TRAF3: variants seen among roughly 807,000 people sequenced by gnomAD.
TRAF3 encodes TNF receptor associated factor 3, also known as TNF receptor-associated factor 3.
A neutral mutation model predicts 62.3 loss-of-function variants in TRAF3; 13 were observed. The ratio of observed to expected loss-of-function variants is 0.21; its 90% CI spans 0.14 to 0.33. The LOEUF (loss-of-function observed/expected upper bound fraction) is 0.33. Ranked by LOEUF, TRAF3 falls within the 10% of genes least tolerant of loss-of-function variation. The pLI, the probability that TRAF3 is intolerant of heterozygous loss-of-function variation, is 1.00. For missense variants in TRAF3, 440 were observed against 741.8 expected (o/e 0.59, Z 4.73); for synonymous variants, 269 against 283.4 (o/e 0.95, Z 0.51).
Position 102,866,892 on chromosome 14 carries a change from C to CACACACACACAG in TRAF3, c.-17-3292_-17-3291insCACACACACAGA, listed in dbSNP as rs1491199272. ...ACACACACACACACACACACACACACAAAACAATGACAAGAAGGCACAATT... is the reference window on the plus strand; with the variant it reads ...ACACACACACACACACACACACACACACACACACACAGAAAACAATGACAAGAAGGCACAATT... On this transcript the variant is annotated intron_variant, in intron 2 of 11. Coordinates refer to ENST00000392745, the MANE Select transcript of TRAF3 (RefSeq NM_145725.3). 2.0e-3 allele frequency among the ~76,000 whole-genome samples: 296 copies of CACACACACACAG among 146,588 alleles called. 7 individuals are homozygous for CACACACACACAG. The highest frequency in any genetic ancestry group is 7.1e-3 in the African/African-American group (271 of 38,092).
intron 2 of TRAF3, among the ~76,000 whole-genome samples, chr14:102,832,138 A>G (rs1900727977): frequency 6.6e-6 from 1 of 151,798 alleles, no homozygotes; most frequent in Admixed American, 6.6e-5. Flanking sequence ...ATCATGTACA[A>G]CATGATATTT....
chr14:102,790,454 A>G (rs1897732594), intron 1 of TRAF3, among the ~76,000 whole-genome samples: 1 of 152,362 alleles, frequency 6.6e-6, no homozygotes, highest in Admixed American at 6.5e-5. Context: ...AGGGTAATTT[A>G]TAAAGAAAAA....
In TRAF3 at chr14:102,906,226, T is replaced by C. The variant is rs568052266; in HGVS notation, c.*442T>C. The C allele has an allele frequency of 6.1e-6, 1 of 163,098 alleles. No individual in the cohort carries two copies. The highest frequency in any genetic ancestry group is 1.7e-4 in the South Asian group (1 of 5,894). 10.1% of individuals were successfully genotyped at this position (163,098 alleles called of 1,614,324 possible). ...GAAATAGTAATGCAATTCTGATATCTTCTTTCTAAAATTCAAGAGTGCAAT... is the reference window on the plus strand; with the variant it reads ...GAAATAGTAATGCAATTCTGATATCCTCTTTCTAAAATTCAAGAGTGCAAT... On this transcript the variant is annotated 3_prime_UTR_variant, in exon 12 of 12. Transcript: ENST00000392745.
At chr14:102,820,379 C>T (rs886448556) in intron 1 of TRAF3, among the ~76,000 whole-genome samples, 1 of 151,688 alleles carries the variant, frequency 6.6e-6, no homozygotes, top group Non-Finnish European at 1.5e-5. Flanking sequence ...TGCCGGGGCC[C>T]CCTCTCTGCA....
At chr14:102,833,408 G>A (rs1262164602) in intron 2 of TRAF3, among the ~76,000 whole-genome samples, 1 of 152,146 alleles carries the variant, frequency 6.6e-6, no homozygotes, top group Non-Finnish European at 1.5e-5. Flanking sequence ...TTAAGGAGTA[G>A]GAAACAACTA....
chr14:102,842,272 ATATTT>A (rs1042452110), intron 2 of TRAF3, among the ~76,000 whole-genome samples: 6 of 148,036 alleles, frequency 4.1e-5, no homozygotes, highest in African/African-American at 1.5e-4. Flanking sequence ...AAAATAATAT[ATATTT>A]TATTTATATA....
rs57149106 is a variant in TRAF3 at position 102,820,614 on chromosome 14, ATTTTTTTTTTTTTTTTT to A, written c.-156-9705_-156-9689del. ...TATATATATATATATATATATATATATTTTTTTTTTTTTTTTTTTTTTTTTTTTTTTGACAGGTTCTT... is the reference window on the plus strand; with the variant it reads ...TATATATATATATATATATATATATATTTTTTTTTTTTTTGACAGGTTCTT... On this transcript the variant is annotated intron_variant, in intron 1 of 11. Coordinates refer to ENST00000392745, the MANE Select transcript of TRAF3 (RefSeq NM_145725.3). 2.2e-4 allele frequency among the ~76,000 whole-genome samples: 4 copies of A among 17,926 alleles called. No homozygotes were observed. In the African/African-American group the frequency reaches 2.4e-3, roughly 11 times the overall value. The allele number at this position is 17,926 out of a possible 152,430, so 11.8% of individuals were successfully genotyped here.
intron 2 of TRAF3, among the ~76,000 whole-genome samples, chr14:102,841,996 A>G (rs931354796): frequency 3.3e-5 from 5 of 152,104 alleles, no homozygotes; most frequent in East Asian, 1.9e-4. Context: ...TATAATCCCA[A>G]TTCTTTGGGA....
intron 1 of TRAF3, among the ~76,000 whole-genome samples, chr14:102,827,034 G>A (rs769950904): frequency 2.6e-4 from 40 of 152,202 alleles, no homozygotes; most frequent in Non-Finnish European, 5.1e-4. Flanking sequence ...CCACAGGCGT[G>A]CAAGGTCCCC....
chr14:102,803,970 G>A (rs1046966134), intron 1 of TRAF3, among the ~76,000 whole-genome samples: 5 of 152,178 alleles, frequency 3.3e-5, no homozygotes, highest in Non-Finnish European at 5.9e-5. Flanking sequence ...GGCTCAGGCC[G>A]GAGGGTCGCT....
chr14:102,780,537 G>C (rs1355939570), intron 1 of TRAF3, among the ~76,000 whole-genome samples: 1 of 150,270 alleles, frequency 6.7e-6, no homozygotes, highest in Non-Finnish European at 1.5e-5. Context: ...TTTTTCTTTC[G>C]GTGAAGCTTA....
intron 1 of TRAF3, among the ~76,000 whole-genome samples, chr14:102,789,913 C>T (rs1032605461): frequency 4.6e-5 from 7 of 151,848 alleles, no homozygotes; most frequent in Non-Finnish European, 8.8e-5. Context: ...CTGCAATCTC[C>T]GCCTCCTGGG....
intron 2 of TRAF3, among the ~76,000 whole-genome samples, chr14:102,862,180 A>G (rs1031150294): frequency 6.6e-6 from 1 of 152,142 alleles, no homozygotes; most frequent in African/African-American, 2.4e-5. Flanking sequence ...GAGCTTTCTA[A>G]TATATTTTTT....
intron 10 of TRAF3, among the ~76,000 whole-genome samples, chr14:102,901,001 ACT>A (rs1890268555): frequency 6.6e-6 from 1 of 152,254 alleles, no homozygotes; most frequent in East Asian, 1.9e-4. Flanking sequence ...ACTTGATGTG[ACT>A]CTGCGTTCTG....
Position 102,911,024 on chromosome 14 carries a change from C to A in TRAF3, c.*5240C>A, listed in dbSNP as rs1293198224. On this transcript the variant is annotated 3_prime_UTR_variant, in exon 12 of 12. Coordinates refer to ENST00000392745, the MANE Select transcript of TRAF3 (RefSeq NM_145725.3). ...TGCACAGCATCTGCAGATTCGCAGC[C>A]TCTTCTCTGCCGGTGCCTCTGTTCG... 6.6e-6 allele frequency: 1 copy of A among 152,240 alleles called. No homozygotes were observed. Among genetic ancestry groups the A allele is most frequent in the Non-Finnish European group, 1.5e-5 (1 of 68,056 alleles). 9.4% of individuals were successfully genotyped at this position (152,240 alleles called of 1,614,324 possible).
intron 2 of TRAF3, among the ~76,000 whole-genome samples, chr14:102,836,835 T>C (rs1886039253): frequency 6.6e-6 from 1 of 152,220 alleles, no homozygotes. Context: ...GCAGTGGTAA[T>C]GAATGTTTGA....
chr14:102,829,053 G>GTGC (rs1222105247), intron 1 of TRAF3, among the ~76,000 whole-genome samples: 1 of 152,200 alleles, frequency 6.6e-6, no homozygotes, highest in Non-Finnish European at 1.5e-5. Context: ...GGTGAGCTGG[G>GTGC]TGCTACCTCC....
intron 9 of TRAF3, 61 bp downstream of exon 9, chr14:102,891,478 A>T: frequency 6.5e-7 from 1 of 1,533,778 alleles, no homozygotes. Context: ...TTATTTAAAG[A>T]CAAAACCTTT....
At chr14:102,879,673 G>GCTTT (rs1888932717) in intron 6 of TRAF3, among the ~76,000 whole-genome samples, 1 of 148,514 alleles carries the variant, frequency 6.7e-6, no homozygotes, top group Admixed American at 6.7e-5. Context: ...GCCATTAAAA[G>GCTTT]TAATGGCAAA....
Sources: gnomAD v4.1 joint callset for allele counts (sites outside exome capture counted in the v4.1 genomes callset) on GRCh38, gnomAD v4.1.1 for gene constraint, MANE v1.5 for transcripts, NCBI Gene and HGNC (gene_info 2026-07-23, HGNC 2026-07-21) for gene names.